Variants in ARL13B observed in about 807,000 individuals in gnomAD.
ARL13B encodes ARF like GTPase 13B.
Under a neutral mutation model 56.1 loss-of-function variants are expected in ARL13B, and 36 were observed. That is an observed-to-expected ratio of 0.64 (90% confidence interval 0.49 to 0.85). The LOEUF (loss-of-function observed/expected upper bound fraction) is 0.85. Among genes scored for constraint, ARL13B ranks in the 40% least tolerant of loss-of-function variants. The probability of loss-of-function intolerance (pLI) is 0.00; values close to 1 mark genes in which losing one functional copy is unlikely to be tolerated. For synonymous variants in ARL13B, 178 were observed against 171.1 expected (o/e 1.04, Z -0.32); for missense variants, 519 against 507.1 (o/e 1.02, Z -0.23).
intron 3 of ARL13B, among the ~76,000 whole-genome samples, chr3:94,029,168 C>T (rs2076616817): frequency 6.7e-6 from 1 of 149,786 alleles, no homozygotes; most frequent in South Asian, 2.1e-4. Context: ...TAATTTATAC[C>T]AGAGGGAAAT....
intron 1 of ARL13B, among the ~76,000 whole-genome samples, chr3:93,983,013 A>T (rs1710292637): frequency 6.6e-6 from 1 of 152,170 alleles, no homozygotes; most frequent in South Asian, 2.1e-4. Context: ...AGAATTTCTT[A>T]TTAAGATTCC....
At chr3:94,041,794 G>T (rs755887068) in intron 6 of ARL13B, among the ~76,000 whole-genome samples, 2 of 152,154 alleles carry the variant, frequency 1.3e-5, no homozygotes, top group African/African-American at 2.4e-5. Flanking sequence ...TCAATAAGTG[G>T]CCAGGCACGG....
chr3:94,044,291 G>A (rs1328013693), intron 7 of ARL13B, among the ~76,000 whole-genome samples: 2 of 146,676 alleles, frequency 1.4e-5, no homozygotes, highest in African/African-American at 2.6e-5. Context: ...AGTGAGGAGC[G>A]CCTCTGCCCG....
chr3:93,988,799 T>A (rs1327096826), intron 1 of ARL13B: 3 of 420,144 alleles, frequency 7.1e-6, no homozygotes, highest in Non-Finnish European at 1.4e-5. Flanking sequence ...TTTTTTTTTT[T>A]TTTAATCTGA....
chr3:93,980,176 G>T lies in ARL13B; in HGVS notation c.-248G>T. The T allele has an allele frequency of 1.5e-6, 1 of 659,290 alleles. No homozygotes were observed. The highest frequency in any genetic ancestry group is 2.8e-6 in the Non-Finnish European group (1 of 361,212). 40.8% of individuals were successfully genotyped at this position (659,290 alleles called of 1,614,324 possible). A position where few individuals can be genotyped will look rare whatever the true frequency, so the allele number is the denominator to read the frequency against. On this transcript the variant is annotated 5_prime_UTR_variant, in exon 1 of 10. Transcript: ENST00000394222. ...CGGGGCTTTTCTTTAGCCGGGTCCC[G>T]CTAACTCGGCTACGGTGTATCTGCG...
In ARL13B at chr3:94,043,159, G is replaced by A. The variant is rs143785315; in HGVS notation, c.943G>A (p.Gly315Arg). 227 of 1,613,424 alleles carry A rather than the reference G, an allele frequency of 1.4e-4. 1 individual carries two copies. The African/African-American group carries it at 2.8e-3, about 20-fold the overall frequency. ...CAATGGCCAAAAAAATAATGAATTTGGACTAGTAGAAAATTATAAGGAGGC... is the reference window on the plus strand; with the variant it reads ...CAATGGCCAAAAAAATAATGAATTTAGACTAGTAGAAAATTATAAGGAGGC... ...NHNGQKNNEF[G>R]LVENYKEALT... is the part of the protein sequence containing the mutation. Residue 315 changes from glycine to arginine, a missense_variant, in exon 7 of 10, where the codon GGA becomes AGA. Physicochemically the swap from Gly to Arg is moderately radical, Grantham distance 125. Coordinates refer to ENST00000394222, the MANE Select transcript of ARL13B (RefSeq NM_001174150.2).
At chr3:94,023,903 T>C (rs2076502929) in intron 3 of ARL13B, among the ~76,000 whole-genome samples, 1 of 152,200 alleles carries the variant, frequency 6.6e-6, no homozygotes, top group South Asian at 2.1e-4. Context: ...TTAGGATCTT[T>C]AATATAATCA....
rs953394167 is a variant in ARL13B, at chr3:94,026,023, T to C, written c.381-9308T>C. ...ATTTCTGGCACCTGAAAACTTCTCT[T>C]TTTTTTTTTTTTTTGAGACGGAGTC... is the stretch of plus-strand genomic sequence containing the variant. On this transcript the variant is annotated intron_variant, in intron 3 of 9. Coordinates refer to ENST00000394222, the MANE Select transcript of ARL13B (RefSeq NM_001174150.2). Among the ~76,000 whole-genome samples, 10 of 147,326 alleles carry C rather than the reference T, an allele frequency of 6.8e-5. No homozygotes were observed. The South Asian group carries it at 8.4e-4, about 12-fold the overall frequency.
chr3:93,989,994 TTTTTG>T (rs562407104), intron 1 of ARL13B, among the ~76,000 whole-genome samples: 4 of 151,936 alleles, frequency 2.6e-5, no homozygotes, highest in African/African-American at 7.3e-5. Context: ...GTATCTCTTT[TTTTTG>T]TTTTGTTTTG....
At chr3:94,024,325 G>C (rs977136286) in intron 3 of ARL13B, among the ~76,000 whole-genome samples, 7 of 152,172 alleles carry the variant, frequency 4.6e-5, no homozygotes, top group African/African-American at 1.7e-4. Context: ...GAAAAAGAAA[G>C]AGTAACAATG....
intron 1 of ARL13B, among the ~76,000 whole-genome samples, chr3:93,982,146 A>T (rs1462637094): frequency 6.6e-6 from 1 of 152,200 alleles, no homozygotes; most frequent in African/African-American, 2.4e-5. Flanking sequence ...CATCATTCTT[A>T]GTCTTTCCTT....
chr3:93,996,580 G>T, intron 2 of ARL13B: 1 of 408,596 alleles, frequency 2.4e-6, no homozygotes, highest in South Asian at 1.8e-5. Context: ...GTCTCCCTAT[G>T]TTGCCCAAGC....
At chr3:94,040,053 T>C in intron 6 of ARL13B, 65 bp downstream of exon 6, 5 of 1,419,946 alleles carry the variant, frequency 3.5e-6, no homozygotes, top group Middle Eastern at 3.5e-4. Flanking sequence ...GAAAAGAAGG[T>C]GGAAAGTTGG....
chr3:93,980,692 T>C (rs2107301372), intron 1 of ARL13B, among the ~76,000 whole-genome samples: 1 of 152,220 alleles, frequency 6.6e-6, no homozygotes, highest in East Asian at 1.9e-4. Context: ...TGCTTACCGT[T>C]GTTATATTTT....
intron 6 of ARL13B, among the ~76,000 whole-genome samples, chr3:94,042,594 C>T (rs1405268425): frequency 6.6e-6 from 1 of 151,912 alleles, no homozygotes; most frequent in African/African-American, 2.4e-5. Context: ...AACTTCAATT[C>T]TTTTTTGTTT....
At chr3:93,997,671 T>C (rs1165783412) in intron 2 of ARL13B, among the ~76,000 whole-genome samples, 1 of 152,194 alleles carries the variant, frequency 6.6e-6, no homozygotes. Flanking sequence ...TATACTGTAG[T>C]GTGAAAGCAG....
intron 6 of ARL13B, among the ~76,000 whole-genome samples, chr3:94,041,540 A>G (rs2076861987): frequency 6.6e-6 from 1 of 152,210 alleles, no homozygotes; most frequent in Non-Finnish European, 1.5e-5. Context: ...TAAAGGAAAA[A>G]GGTGGATAGA....
chr3:94,022,395 G>C (rs1228329522), intron 3 of ARL13B, among the ~76,000 whole-genome samples: 1 of 151,970 alleles, frequency 6.6e-6, no homozygotes, highest in Non-Finnish European at 1.5e-5. Context: ...CAAAGTGCTG[G>C]GATTACAGGT....
chr3:93,995,990 T>C, intron 2 of ARL13B, 46 bp downstream of exon 2: 1 of 1,560,018 alleles, frequency 6.4e-7, no homozygotes, highest in Non-Finnish European at 8.8e-7. Context: ...ATTAAATTAT[T>C]CTGAATTATT....
Sources: allele counts gnomAD v4.1 joint callset (sites outside exome capture counted in the v4.1 genomes callset), GRCh38; gene constraint gnomAD v4.1.1; transcripts MANE v1.5; gene names NCBI Gene and HGNC (gene_info 2026-07-23, HGNC 2026-07-21).